HLA-DPA1: variants seen among roughly 807,000 people sequenced by gnomAD.
The protein encoded by HLA-DPA1 is major histocompatibility complex, class II, DP alpha 1.
In HLA-DPA1, 20 loss-of-function variants were observed where a neutral mutation model predicts 21.5. The ratio of observed to expected loss-of-function variants is 0.93; its 90% CI spans 0.66 to 1.35. HLA-DPA1 has a LOEUF of 1.35. Ranked by LOEUF, HLA-DPA1 falls within the 40% of genes most tolerant of loss-of-function variation. The pLI, the probability that HLA-DPA1 is intolerant of heterozygous loss-of-function variation, is 0.00. For synonymous variants in HLA-DPA1, 123 were observed against 129.6 expected, an observed-to-expected ratio of 0.95 and a Z score of 0.35; for missense variants, 279 against 323.0, an observed-to-expected ratio of 0.86 and a Z score of 1.05.
rs143038309 is a variant in HLA-DPA1, at chr6:33,070,056, A to T, written c.101-170T>A. ...AGCAACACCATAAAGGAAATAATACAGAGCAGATGAGCAGTTATAAAAAGA... is the reference window on the plus strand; with the variant it reads ...AGCAACACCATAAAGGAAATAATACTGAGCAGATGAGCAGTTATAAAAAGA... On this transcript the variant is annotated intron_variant, in intron 2 of 5. Coordinates refer to ENST00000419277, the Ensembl canonical transcript of HLA-DPA1. 3.7e-3 allele frequency among the ~76,000 whole-genome samples: 571 copies of T among 152,370 alleles called. 3 individuals carry two copies. Among genetic ancestry groups the T allele is most frequent in the East Asian group, 0.025 (132 of 5,190 alleles).
Position 33,068,627 on chromosome 6 carries a change from T to TC in HLA-DPA1, c.*12+10_*12+11insG, listed in dbSNP as rs1297018901. ...TCTACAAATCCTAGGGCCTCCTCTTTACATTCCCACCTTTACAGTATTTCA... is the reference window on the plus strand; with the variant it reads ...TCTACAAATCCTAGGGCCTCCTCTTTCACATTCCCACCTTTACAGTATTTCA... On this transcript the variant is annotated intron_variant, in intron 5 of 5. Transcript: ENST00000419277. The TC allele has an allele frequency of 1.9e-6, 3 of 1,594,118 alleles. No individual in the cohort carries two copies. Among genetic ancestry groups the TC allele is most frequent in the Admixed American group, 1.7e-5 (1 of 57,692 alleles).
exon 2 of HLA-DPA1, chr6:33,073,579 G>T (rs746657108): frequency 5.0e-6 from 8 of 1,598,180 alleles, no homozygotes; most frequent in Non-Finnish European, 6.0e-6. Context: ...ATGTTGTGGG[G>T]TCTATAATTG....
intron 1 of HLA-DPA1, among the ~76,000 whole-genome samples, chr6:33,078,834 A>C (rs895166198): frequency 1.3e-5 from 2 of 152,204 alleles, no homozygotes; most frequent in African/African-American, 4.8e-5. Context: ...GAGGAGGAGA[A>C]ACAAAGACTA....
chr6:33,072,703 C>T (rs1762338280), intron 2 of HLA-DPA1, among the ~76,000 whole-genome samples: 1 of 152,166 alleles, frequency 6.6e-6, no homozygotes, highest in South Asian at 2.1e-4. Flanking sequence ...GCATCATGCA[C>T]AGGCTTGATG....
At chr6:33,071,170 C>A (rs57896011) in intron 2 of HLA-DPA1, among the ~76,000 whole-genome samples, 1 of 151,862 alleles carries the variant, frequency 6.6e-6, no homozygotes, top group African/African-American at 2.4e-5. Context: ...TGACTCCTTG[C>A]CACTGTAATT....
At chr6:33,076,068 C>G (rs536111967) in intron 1 of HLA-DPA1, 1 of 1,612,428 alleles carries the variant, frequency 6.2e-7, no homozygotes, top group South Asian at 1.1e-5. Context: ...TTTCTGCGGC[C>G]CCCCGGACAG....
At chr6:33,079,631 G>A in intron 1 of HLA-DPA1, 2 of 467,194 alleles carry the variant, frequency 4.3e-6, no homozygotes, top group Non-Finnish European at 8.4e-6. Context: ...CATTGCTTAT[G>A]GGAGCAACAA....
At chr6:33,069,033 A>T (rs377649060) in exon 4 of HLA-DPA1, 1 of 1,612,816 alleles carries the variant, frequency 6.2e-7, no homozygotes, top group African/African-American at 1.3e-5. Context: ...GTGCTTGAGG[A>T]GCGGCTGGTC....
At chr6:33,076,100 T>C (rs770193215) in intron 1 of HLA-DPA1, 25 of 1,612,214 alleles carry the variant, frequency 1.6e-5, no homozygotes, top group African/African-American at 2.7e-5. Flanking sequence ...GCGTTACTGA[T>C]GGTGCTGCTC....
At chr6:33,069,450 A>T in intron 3 of HLA-DPA1, 150 bp from the exon 3 acceptor site, 1 of 1,025,462 alleles carries the variant, frequency 9.8e-7, no homozygotes, top group Non-Finnish European at 1.4e-6. Flanking sequence ...GACCAGCCTC[A>T]CTCTGCTCAC....
chr6:33,070,016 T>C (rs1762200254), intron 2 of HLA-DPA1, 130 bp from the exon 2 acceptor site: 1 of 770,304 alleles, frequency 1.3e-6, no homozygotes, highest in Admixed American at 2.6e-5. Context: ...GAAGGACATA[T>C]GGGGAAGAAG....
rs1432743249 is a variant in HLA-DPA1, at chr6:33,080,656, CG to C, written c.-100+23del. ...TGAGAGTGGCGCCTCCGCTCATGTCCGCCCCCTCCCCGCAGAGAATTACCTT... is the reference window on the plus strand; with the variant it reads ...TGAGAGTGGCGCCTCCGCTCATGTCCCCCCCTCCCCGCAGAGAATTACCTT... On this transcript the variant is annotated intron_variant, in intron 1 of 5. Coordinates refer to ENST00000419277, the Ensembl canonical transcript of HLA-DPA1. The surrounding 1 kb of genome is among the most constrained non-coding windows in gnomAD (Gnocchi z 4.3). 5 of 1,612,060 alleles carry C rather than the reference CG, an allele frequency of 3.1e-6. No individual in the cohort carries two copies. In the South Asian group the frequency reaches 3.3e-5, roughly 11 times the overall value.
rs146636284 is a variant in HLA-DPA1, at chr6:33,072,834, G to A, written c.100+637C>T. 3.6e-3 allele frequency among the ~76,000 whole-genome samples: 542 copies of A among 152,280 alleles called. 3 individuals are homozygous for A. The highest frequency in any genetic ancestry group is 0.026 in the East Asian group (133 of 5,180). ...TGCAGTCCTGAATCTCTCAGAACCC[G>A]AATCACAAGGCTATCAAGACCATGC... On this transcript the variant is annotated intron_variant, in intron 2 of 5. Coordinates refer to ENST00000419277, the Ensembl canonical transcript of HLA-DPA1.
chr6:33,079,514 A>C (rs995005878), intron 1 of HLA-DPA1: 11 of 352,050 alleles, frequency 3.1e-5, no homozygotes, highest in Non-Finnish European at 5.5e-5. Context: ...CAAGTTCATG[A>C]GGCACCAATC....
At chr6:33,065,817 T>G (rs1422099680) in intron 5 of HLA-DPA1, 1 of 139,552 alleles carries the variant, frequency 7.2e-6, no homozygotes, top group Non-Finnish European at 1.5e-5. Context: ...CTGACAGCAG[T>G]ACTTCCTCCT....
chr6:33,069,975 A>G, intron 2 of HLA-DPA1, 89 bp from the exon 2 acceptor site: 3 of 1,245,482 alleles, frequency 2.4e-6, no homozygotes, highest in East Asian at 2.5e-5. Flanking sequence ...AGACTTATGA[A>G]TATAAAAAGG....
In HLA-DPA1 at chr6:33,070,774, G is replaced by A. The variant is rs142970850; in HGVS notation, c.101-888C>T. Among the ~76,000 whole-genome samples the A allele has an allele frequency of 3.6e-3, 543 of 152,160 alleles. 3 individuals carry two copies. Among genetic ancestry groups the A allele is most frequent in the East Asian group, 0.026 (133 of 5,178 alleles). ...TTGTATAGGTAAACTCATGACTTGG[G>A]GGTTTAGTGTACAGATTATTTCATC... On this transcript the variant is annotated intron_variant, in intron 2 of 5. Coordinates refer to ENST00000419277, the Ensembl canonical transcript of HLA-DPA1.
At position 33,075,307 on chromosome 6, in the gene HLA-DPA1, G is replaced by C. The variant is rs145916639; in HGVS notation, c.-99-1638C>G. ...GAAGACAAGGAATCGAAGTCCAAGAGAGGCAGTGTCGTTAAAGCTGCATAT... is the reference window on the plus strand; with the variant it reads ...GAAGACAAGGAATCGAAGTCCAAGACAGGCAGTGTCGTTAAAGCTGCATAT... On this transcript the variant is annotated intron_variant, in intron 1 of 5. Coordinates refer to ENST00000419277, the Ensembl canonical transcript of HLA-DPA1. 3.6e-3 allele frequency among the ~76,000 whole-genome samples: 542 copies of C among 152,322 alleles called. 3 individuals are homozygous for C. The highest frequency in any genetic ancestry group is 0.026 in the East Asian group (133 of 5,192).
intron 1 of HLA-DPA1, chr6:33,076,203 A>T: frequency 8.9e-7 from 1 of 1,127,530 alleles, no homozygotes; most frequent in Non-Finnish European, 1.3e-6. Flanking sequence ...AGGGGACGTT[A>T]TCTTTAAGGG....
Sources: allele counts gnomAD v4.1 joint callset (sites outside exome capture counted in the v4.1 genomes callset), GRCh38; gene constraint gnomAD v4.1.1; non-coding constraint Gnocchi (gnomAD v3.1); transcripts MANE v1.5; gene names NCBI Gene and HGNC (gene_info 2026-07-23, HGNC 2026-07-21).